Variants in UMAD1 observed in about 807,000 individuals in gnomAD.
The protein encoded by UMAD1 is UBAP1-MVB12-associated (UMA) domain containing 1, also known as UBAP1-MVB12-associated (UMA)-domain containing protein 1.
Under a neutral mutation model 6.1 loss-of-function variants are expected in UMAD1, and 8 were observed. That is an observed-to-expected ratio of 1.30 (90% CI 0.76 to 2.35). The LOEUF is 2.35. Ranked by LOEUF, UMAD1 falls within the 30% of genes most tolerant of loss-of-function variation. The pLI, the probability that UMAD1 is intolerant of heterozygous loss-of-function variation, is 0.00. For missense variants in UMAD1, 130 were observed against 78.4 expected (o/e 1.66, Z -2.49); for synonymous variants, 56 against 31.4 (o/e 1.78, Z -2.61).
At chr7:7,840,808 T>C (rs1282619324) in intron 3 of UMAD1, among the ~76,000 whole-genome samples, 1 of 152,150 alleles carries the variant, frequency 6.6e-6, no homozygotes, top group Non-Finnish European at 1.5e-5. Context: ...GGAAAGTTCC[T>C]AATAAAGTTT....
intron 2 of UMAD1, among the ~76,000 whole-genome samples, chr7:7,765,780 C>T (rs990902485): frequency 6.6e-6 from 1 of 152,108 alleles, no homozygotes; most frequent in African/African-American, 2.4e-5. Flanking sequence ...GTATGCTAAG[C>T]AAGAGGGGAA....
intron 2 of UMAD1, among the ~76,000 whole-genome samples, chr7:7,686,521 A>T (rs1377773215): frequency 6.6e-6 from 1 of 152,212 alleles, no homozygotes. Context: ...AACTAATTGC[A>T]GCATCATGTC....
At chr7:7,700,231 C>T (rs568705777) in intron 2 of UMAD1, among the ~76,000 whole-genome samples, 1 of 152,212 alleles carries the variant, frequency 6.6e-6, no homozygotes, top group Non-Finnish European at 1.5e-5. Flanking sequence ...TTTCTCCCTG[C>T]TCCCCACATG....
chr7:7,850,673 T>C (rs1419694940), intron 3 of UMAD1, among the ~76,000 whole-genome samples: 1 of 152,110 alleles, frequency 6.6e-6, no homozygotes, highest in Non-Finnish European at 1.5e-5. Flanking sequence ...TTTTGACAAT[T>C]ATTAAACATG....
intron 2 of UMAD1, among the ~76,000 whole-genome samples, chr7:7,762,565 T>C (rs1237149161): frequency 6.6e-6 from 1 of 152,222 alleles, no homozygotes; most frequent in Non-Finnish European, 1.5e-5. Flanking sequence ...GGATGCCTCA[T>C]GGAAATTACA....
At chr7:7,792,282 A>C (rs1782580732) in intron 2 of UMAD1, among the ~76,000 whole-genome samples, 1 of 151,996 alleles carries the variant, frequency 6.6e-6, no homozygotes, top group Non-Finnish European at 1.5e-5. Flanking sequence ...TTCTTGGCTC[A>C]TTTTCCTTTG....
At chr7:7,785,879 A>G (rs538509281) in intron 2 of UMAD1, among the ~76,000 whole-genome samples, 1 of 152,330 alleles carries the variant, frequency 6.6e-6, no homozygotes, top group East Asian at 1.9e-4. Flanking sequence ...GGGTTAAAGG[A>G]ACTTGTGAGA....
chr7:7,847,500 C>A (rs28614087), intron 3 of UMAD1, among the ~76,000 whole-genome samples: 68,260 of 151,446 alleles, frequency 0.45, 15,635 homozygotes, highest in Middle Eastern at 0.58. Flanking sequence ...TTGAAACCTC[C>A]CCTCCCCAGT....
At chr7:7,665,348 C>CCATTAAA (rs1470537138) in intron 1 of UMAD1, among the ~76,000 whole-genome samples, 1 of 152,182 alleles carries the variant, frequency 6.6e-6, no homozygotes, top group African/African-American at 2.4e-5. Context: ...AAAGTCAATA[C>CCATTAAA]AGTGTCCTTT....
At chr7:7,872,733 C>T (rs1195191558) in intron 3 of UMAD1, among the ~76,000 whole-genome samples, 1 of 152,144 alleles carries the variant, frequency 6.6e-6, no homozygotes. Flanking sequence ...TATGCCTATA[C>T]CTCCACTTTA....
chr7:7,871,891 G>A (rs1784339131), intron 3 of UMAD1, among the ~76,000 whole-genome samples: 1 of 151,712 alleles, frequency 6.6e-6, no homozygotes, highest in Non-Finnish European at 1.5e-5. Flanking sequence ...AATAAATATT[G>A]CTGCTGGAGA....
At chr7:7,818,911 A>T (rs1286421327) in intron 3 of UMAD1, among the ~76,000 whole-genome samples, 1 of 152,152 alleles carries the variant, frequency 6.6e-6, no homozygotes, top group African/African-American at 2.4e-5. Context: ...ATGCCATAGC[A>T]CAGTCTCTGC....
intron 2 of UMAD1, among the ~76,000 whole-genome samples, chr7:7,758,535 G>A (rs1781825713): frequency 3.5e-4 from 1 of 2,824 alleles, no homozygotes; most frequent in African/African-American, 6.3e-3. Flanking sequence ...TACTGTGGAA[G>A]CTGCCTCTGC....
chr7:7,790,383 A>G (rs530307008), intron 2 of UMAD1, among the ~76,000 whole-genome samples: 1 of 152,346 alleles, frequency 6.6e-6, no homozygotes, highest in Admixed American at 6.5e-5. Context: ...CATCCATCCC[A>G]TGCCAGCCTA....
chr7:7,761,363 T>TAAAAAAAAAAAAAAAAAAAA lies in UMAD1; in HGVS notation c.83-40295_83-40294insAAAAAAAAAAAAAAAAAAAA, dbSNP rs375910269. On this transcript the variant is annotated intron_variant, in intron 2 of 3. Coordinates refer to ENST00000682710, the MANE Select transcript of UMAD1 (RefSeq NM_001302348.2). ...CTGGGTGATAAAAGTGAGACCTAAC[T>TAAAAAAAAAAAAAAAAAAAA]AAAAAAAAAAAAGTACCACTTCTTT... Among the ~76,000 whole-genome samples, 40 of 121,044 alleles carry TAAAAAAAAAAAAAAAAAAAA rather than the reference T, an allele frequency of 3.3e-4. 2 individuals are homozygous for TAAAAAAAAAAAAAAAAAAAA. Among genetic ancestry groups the TAAAAAAAAAAAAAAAAAAAA allele is most frequent in the African/African-American group, 8.1e-4 (23 of 28,438 alleles). 79.4% of individuals were successfully genotyped at this position (121,044 alleles called of 152,430 possible).
intron 2 of UMAD1, among the ~76,000 whole-genome samples, chr7:7,733,389 C>G (rs950098558): frequency 1.3e-5 from 2 of 151,936 alleles, no homozygotes; most frequent in East Asian, 3.9e-4. Flanking sequence ...AATGACATGA[C>G]AGTTGCTATC....
At chr7:7,748,190 C>A (rs1301912488) in intron 2 of UMAD1, among the ~76,000 whole-genome samples, 1 of 151,364 alleles carries the variant, frequency 6.6e-6, no homozygotes, top group African/African-American at 2.4e-5. Flanking sequence ...ATGATCCGCC[C>A]GCCTCGGCCT....
intron 1 of UMAD1, among the ~76,000 whole-genome samples, chr7:7,654,594 G>C (rs139425268): frequency 3.2e-4 from 48 of 152,244 alleles, no homozygotes; most frequent in African/African-American, 1.1e-3. Flanking sequence ...ATCTAACTCT[G>C]TGTAAATAGT....
chr7:7,712,290 A>G (rs1475397572), intron 2 of UMAD1, among the ~76,000 whole-genome samples: 1 of 152,154 alleles, frequency 6.6e-6, no homozygotes, highest in Non-Finnish European at 1.5e-5. Context: ...TTGAACATAT[A>G]GATTAATTTA....
Sources: allele counts gnomAD v4.1 joint callset (sites outside exome capture counted in the v4.1 genomes callset), GRCh38; gene constraint gnomAD v4.1.1; transcripts MANE v1.5; gene names NCBI Gene and HGNC (gene_info 2026-07-23, HGNC 2026-07-21).